The following CCDC171 variants were observed in gnomAD, a reference collection of about 807,000 sequenced individuals.
The protein encoded by CCDC171 is coiled-coil domain containing 171, also known as coiled-coil domain-containing protein 171.
CCDC171 carries 177 observed loss-of-function variants against 168.2 expected under a neutral mutation model. That is an observed-to-expected ratio of 1.05 (90% CI 0.93 to 1.19). The LOEUF is 1.19. Among genes scored for constraint, CCDC171 ranks in the 50% most tolerant of loss-of-function variants. The pLI is 0.00. For synonymous variants in CCDC171, 687 were observed against 540.8 expected (o/e 1.27, Z -3.75); for missense variants, 1,991 against 1,539.0 (o/e 1.29, Z -4.91).
intron 7 of CCDC171, among the ~76,000 whole-genome samples, chr9:15,626,597 T>C (rs1463431202): frequency 3.9e-5 from 6 of 152,328 alleles, no homozygotes; most frequent in African/African-American, 1.4e-4. Context: ...TTTGGGTCTG[T>C]TTATATGATG....
chr9:15,734,465 G>C (rs1311882312), intron 16 of CCDC171, among the ~76,000 whole-genome samples: 1 of 152,152 alleles, frequency 6.6e-6, no homozygotes, highest in Non-Finnish European at 1.5e-5. Flanking sequence ...TTGAACCCAG[G>C]AGGCAGAGGT....
At position 15,695,215 on chromosome 9, in the gene CCDC171, AT is replaced by A. The variant is rs755442455; in HGVS notation, c.1216-13del. ...CTTATAATACGTGACCTTATGTGTAATTTTTTTCTTAATTAAAAGGCTAAGA... is the reference window on the plus strand; with the variant it reads ...CTTATAATACGTGACCTTATGTGTAATTTTTTCTTAATTAAAAGGCTAAGA... On this transcript the variant is annotated intron_variant, in intron 10 of 25. Transcript: ENST00000380701. 6 of 1,570,650 alleles carry A rather than the reference AT, an allele frequency of 3.8e-6. No homozygotes were observed. Among genetic ancestry groups the A allele is most frequent in the Non-Finnish European group, 5.3e-6 (6 of 1,140,746 alleles).
chr9:16,023,568 C>A (rs1833217291), intron 6 of CCDC171, among the ~76,000 whole-genome samples: 1 of 152,138 alleles, frequency 6.6e-6, no homozygotes, highest in Non-Finnish European at 1.5e-5. Context: ...TGGAGATGGA[C>A]CATATTCAGT....
intron 21 of CCDC171, among the ~76,000 whole-genome samples, chr9:15,825,079 A>G (rs2059956804): frequency 6.6e-6 from 1 of 152,136 alleles, no homozygotes. Flanking sequence ...ATAGAAAAAA[A>G]GAGAGTCAAC....
chr9:15,876,081 A>G (rs1817802511), intron 24 of CCDC171: 1 of 152,046 alleles, frequency 6.6e-6, no homozygotes, highest in African/African-American at 2.4e-5. Context: ...CTTCCTCAAA[A>G]CTAGATGTTG....
intron 7 of CCDC171, among the ~76,000 whole-genome samples, chr9:15,655,317 A>G (rs551382912): frequency 6.6e-6 from 1 of 152,272 alleles, no homozygotes; most frequent in South Asian, 2.1e-4. Context: ...TACCCCATTG[A>G]CAGATAGGAC....
chr9:15,716,856 T>C (rs1277689761), intron 11 of CCDC171, among the ~76,000 whole-genome samples: 1 of 152,166 alleles, frequency 6.6e-6, no homozygotes, highest in East Asian at 1.9e-4. Flanking sequence ...TTCTCAACAC[T>C]GCATTGGGGA....
downstream of CCDC171, among the ~76,000 whole-genome samples, chr9:16,064,108 T>G (rs1586873724): frequency 1.3e-5 from 2 of 152,304 alleles, no homozygotes; most frequent in Non-Finnish European, 2.9e-5. Flanking sequence ...TCTGACAAAA[T>G]TAGGCCACCT....
intron 4 of CCDC171, among the ~76,000 whole-genome samples, chr9:16,021,644 G>T (rs749860578): frequency 3.9e-5 from 6 of 152,202 alleles, no homozygotes; most frequent in African/African-American, 1.2e-4. Context: ...TCATAAATTT[G>T]TAGTGGTTGA....
intron 6 of CCDC171, among the ~76,000 whole-genome samples, chr9:15,600,213 C>G (rs897214804): frequency 6.6e-6 from 1 of 152,198 alleles, no homozygotes; most frequent in Non-Finnish European, 1.5e-5. Flanking sequence ...GAGAGGCACT[C>G]TGATTTTTAG....
In CCDC171 at chr9:15,618,518, A is replaced by AG. The variant is rs553695566; in HGVS notation, c.676-4747dup. 1.4e-3 allele frequency among the ~76,000 whole-genome samples: 213 copies of AG among 152,202 alleles called. 1 individual carries two copies. Among genetic ancestry groups the AG allele is most frequent in the African/African-American group, 4.4e-3 (182 of 41,536 alleles). ...TTCCTGGCTTCAGCTCCCTTTCCAGAGGAGTGGACGGTTGTCCTTTCTCAC... is the reference window on the plus strand; with the variant it reads ...TTCCTGGCTTCAGCTCCCTTTCCAGAGGGAGTGGACGGTTGTCCTTTCTCAC... On this transcript the variant is annotated intron_variant, in intron 6 of 25. Coordinates refer to ENST00000380701, the MANE Select transcript of CCDC171 (RefSeq NM_173550.4).
At position 15,874,549 on chromosome 9, in the gene CCDC171, G is replaced by T. The variant is rs777658349; in HGVS notation, c.3486G>T (p.Ser1162=). The change falls in exon 24 of 26, where the codon TCG becomes TCT. Residue 1162 remains serine, a synonymous_variant. Coordinates refer to ENST00000380701, the MANE Select transcript of CCDC171 (RefSeq NM_173550.4). ...NTLHKVRDQI[S]LSWSAASRND... is the part of the protein sequence containing the mutation. ...CCCTTTAGGTCAGAGATCAGATCTCGCTGTCATGGTCTGCGGCAAGTAGGA... is the reference window on the plus strand; with the variant it reads ...CCCTTTAGGTCAGAGATCAGATCTCTCTGTCATGGTCTGCGGCAAGTAGGA... 3.1e-6 allele frequency: 5 copies of T among 1,602,804 alleles called. No homozygotes were observed. The South Asian group carries it at 5.6e-5, about 18-fold the overall frequency.
In CCDC171 at chr9:15,911,787, C is replaced by T. The variant is rs1823682364; in HGVS notation, c.3601-8483C>T. On this transcript the variant is annotated intron_variant, in intron 24 of 25. Transcript: ENST00000380701. ...ATATGGCTAGCCAGTTTTCCCAACACCATTTATTAAATAGGGAATCCTTTC... is the reference window on the plus strand; with the variant it reads ...ATATGGCTAGCCAGTTTTCCCAACATCATTTATTAAATAGGGAATCCTTTC... Among the ~76,000 whole-genome samples the T allele has an allele frequency of 2.6e-5, 4 of 152,176 alleles. No homozygotes were observed. In the South Asian group the frequency reaches 8.3e-4, roughly 32 times the overall value.
intron 21 of CCDC171, among the ~76,000 whole-genome samples, chr9:15,824,282 A>G (rs1446122783): frequency 6.6e-6 from 1 of 152,032 alleles, no homozygotes; most frequent in East Asian, 1.9e-4. Context: ...TATACAATAT[A>G]AAATAAAATT....
At chr9:15,841,355 A>G (rs1240057077) in intron 21 of CCDC171, among the ~76,000 whole-genome samples, 3 of 152,096 alleles carry the variant, frequency 2.0e-5, no homozygotes, top group African/African-American at 7.2e-5. Context: ...GTCTGTAATG[A>G]CGTTACATGT....
intron 11 of CCDC171, among the ~76,000 whole-genome samples, chr9:15,714,381 GT>G (rs2052915694): frequency 6.6e-6 from 1 of 152,126 alleles, no homozygotes; most frequent in South Asian, 2.1e-4. Context: ...TTCTAAATAT[GT>G]GTTCCAAACT....
intron 18 of CCDC171, among the ~76,000 whole-genome samples, chr9:15,774,809 C>G (rs1157030440): frequency 6.6e-6 from 1 of 152,154 alleles, no homozygotes; most frequent in Non-Finnish European, 1.5e-5. Context: ...TTGTAGCAAC[C>G]TGGATTGAAT....
chr9:15,633,598 T>C (rs2045938503), intron 7 of CCDC171, among the ~76,000 whole-genome samples: 1 of 152,180 alleles, frequency 6.6e-6, no homozygotes, highest in African/African-American at 2.4e-5. Context: ...AGTTCAACCC[T>C]TGTGGAAGTC....
chr9:16,062,798 G>T (rs758185913), downstream of CCDC171, among the ~76,000 whole-genome samples: 3 of 152,136 alleles, frequency 2.0e-5, no homozygotes, highest in Non-Finnish European at 4.4e-5. Context: ...GAGTCTGGGG[G>T]ACCCCGGTGA....
Sources: allele counts gnomAD v4.1 joint callset (sites outside exome capture counted in the v4.1 genomes callset), GRCh38; gene constraint gnomAD v4.1.1; transcripts MANE v1.5; gene names NCBI Gene and HGNC (gene_info 2026-07-23, HGNC 2026-07-21).